Variants in IQSEC1 observed in about 807,000 individuals in gnomAD.
IQSEC1 encodes the protein IQ motif and Sec7 domain ArfGEF 1.
In IQSEC1, 31 loss-of-function variants were observed where a neutral mutation model predicts 91.0. The ratio of observed to expected loss-of-function variants is 0.34; its 90% CI spans 0.26 to 0.46. The LOEUF (loss-of-function observed/expected upper bound fraction) is 0.46, where lower values mean the gene tolerates loss of function less well. IQSEC1 is among the 20% of genes least tolerant of loss of function. The pLI is 1.00. For synonymous variants in IQSEC1, 699 were observed against 662.6 expected (o/e 1.05, Z -0.84); for missense variants, 1,388 against 1,575.6 (o/e 0.88, Z 2.02).
chr3:13,183,167 C>CAATA (rs550999571), intron 1 of IQSEC1, among the ~76,000 whole-genome samples: 8,824 of 143,602 alleles, frequency 0.061, 293 homozygotes, highest in Middle Eastern at 0.073. Flanking sequence ...CTGTCCCCAC[C>CAATA]AATAAATAAA....
At chr3:13,222,985 C>T (rs1200132157) in intron 1 of IQSEC1, among the ~76,000 whole-genome samples, 1 of 152,180 alleles carries the variant, frequency 6.6e-6, no homozygotes, top group Non-Finnish European at 1.5e-5. Context: ...ACCAAGGTGT[C>T]GATCGTGATG....
chr3:12,994,792 C>A lies in IQSEC1; in HGVS notation c.24-52927G>T, dbSNP rs1429218137. ...GACCTGGGCCTGCCGGTGCCGCCCC[C>A]ATCCCTCAGCCGACCTCGATTTAGA... On this transcript the variant is annotated intron_variant, in intron 1 of 13. Coordinates refer to ENST00000613206, the MANE Select transcript of IQSEC1 (RefSeq NM_001134382.3). This position sits in a 1 kb window ranked among gnomAD's most constrained non-coding sequence, Gnocchi z 4.5. Among the ~76,000 whole-genome samples, 1 of 152,284 alleles carries A rather than the reference C, an allele frequency of 6.6e-6. No individual in the cohort carries two copies. The highest frequency in any genetic ancestry group is 1.5e-5 in the Non-Finnish European group (1 of 68,048).
At chr3:13,081,430 G>A (rs1018841728) in intron 2 of IQSEC1, among the ~76,000 whole-genome samples, 3 of 152,022 alleles carry the variant, frequency 2.0e-5, no homozygotes, top group Non-Finnish European at 4.4e-5. Context: ...CACTACATCT[G>A]GCTAATTTTT....
intron 1 of IQSEC1, among the ~76,000 whole-genome samples, chr3:13,004,744 G>A (rs953796357): frequency 1.3e-5 from 2 of 152,232 alleles, no homozygotes; most frequent in East Asian, 3.9e-4. Context: ...GGGGCTGCAG[G>A]GATGGAGGGA....
chr3:13,202,968 G>C (rs1252753899), intron 1 of IQSEC1, among the ~76,000 whole-genome samples: 1 of 152,160 alleles, frequency 6.6e-6, no homozygotes, highest in Non-Finnish European at 1.5e-5. Context: ...GTGTGCTCTG[G>C]TTGTGCCCAT....
At chr3:13,136,079 C>T (rs905779409) in intron 2 of IQSEC1, among the ~76,000 whole-genome samples, 10 of 152,292 alleles carry the variant, frequency 6.6e-5, no homozygotes, top group African/African-American at 1.9e-4. Flanking sequence ...GGGCCGCCTG[C>T]GGGACATGCA....
rs1702136164 is a variant in IQSEC1 at position 12,994,366 on chromosome 3, G to A, written c.24-52501C>T. On this transcript the variant is annotated intron_variant, in intron 1 of 13. Coordinates refer to ENST00000613206, the MANE Select transcript of IQSEC1 (RefSeq NM_001134382.3). This position sits in a 1 kb window ranked among gnomAD's most constrained non-coding sequence, Gnocchi z 4.5. ...GCGTGCGCGGCTGTGCTAGGGGGCG[G>A]GGAGGACGGTGCCGCCCCGGCCGCC... is the stretch of plus-strand genomic sequence containing the variant. 6.6e-6 allele frequency among the ~76,000 whole-genome samples: 1 copy of A among 151,942 alleles called. No homozygotes were observed. Among genetic ancestry groups the A allele is most frequent in the East Asian group, 1.9e-4 (1 of 5,144 alleles).
In IQSEC1 at chr3:12,983,994, A is replaced by C. The variant is rs571608475; in HGVS notation, c.24-42129T>G. 2.6e-5 allele frequency among the ~76,000 whole-genome samples: 4 copies of C among 152,288 alleles called. No individual in the cohort carries two copies. In the South Asian group the frequency reaches 8.3e-4, roughly 32 times the overall value. Reference sequence around the variant, plus strand: ...TCTGGGGGATAGTAACATGGTAAACAGATGGTCTGCACAGAGCTGTCCTGA... The same window carrying C: ...TCTGGGGGATAGTAACATGGTAAACCGATGGTCTGCACAGAGCTGTCCTGA... On this transcript the variant is annotated intron_variant, in intron 1 of 13. Transcript: ENST00000613206. The surrounding 1 kb of genome is among the most constrained non-coding windows in gnomAD (Gnocchi z 4.3).
chr3:13,268,581 T>G lies in IQSEC1; in HGVS notation c.272+14130A>C, dbSNP rs111694807. On this transcript the variant is annotated intron_variant, in intron 1 of 15. Coordinates refer to the IQSEC1 transcript ENST00000648114. Reference sequence around the variant, plus strand: ...TTTATAAGTCATGTGCAGATGAGACTGCACTGATGTCACGAATATCCGTAA... The same window carrying G: ...TTTATAAGTCATGTGCAGATGAGACGGCACTGATGTCACGAATATCCGTAA... Among the ~76,000 whole-genome samples, 1,121 of 152,284 alleles carry G rather than the reference T, an allele frequency of 7.4e-3. 11 individuals are homozygous for G. Among genetic ancestry groups the G allele is most frequent in the African/African-American group, 0.026 (1,065 of 41,556 alleles).
At chr3:13,100,849 C>A (rs1262838390) in intron 2 of IQSEC1, among the ~76,000 whole-genome samples, 1 of 148,916 alleles carries the variant, frequency 6.7e-6, no homozygotes, top group Non-Finnish European at 1.5e-5. Context: ...AACCCATAAA[C>A]AAGTGCATAC....
chr3:13,138,726 T>C (rs1202052459), intron 2 of IQSEC1, among the ~76,000 whole-genome samples: 1 of 152,074 alleles, frequency 6.6e-6, no homozygotes, highest in Admixed American at 6.5e-5. Flanking sequence ...GCCCCGTTTC[T>C]GCTGGGCAGG....
chr3:13,112,233 A>G (rs1706258686), intron 2 of IQSEC1, among the ~76,000 whole-genome samples: 1 of 152,088 alleles, frequency 6.6e-6, no homozygotes, highest in South Asian at 2.1e-4. Flanking sequence ...TTCAACATTC[A>G]CCACGGCAGG....
In IQSEC1 at chr3:12,922,382, C is replaced by T. The variant is rs994064285; in HGVS notation, c.1731-140G>A. On this transcript the variant is annotated intron_variant, in intron 4 of 13. Coordinates refer to ENST00000613206, the MANE Select transcript of IQSEC1 (RefSeq NM_001134382.3). The surrounding 1 kb of genome is among the most constrained non-coding windows in gnomAD (Gnocchi z 5.1). ...GAGCCCCTGCCTGACTCCGACCAAT[C>T]AGCCAAGAGCCCTCAGAATGCAGCA... 7 of 1,051,648 alleles carry T rather than the reference C, an allele frequency of 6.7e-6. No homozygotes were observed. The African/African-American group carries it at 9.8e-5, about 15-fold the overall frequency. 65.1% of individuals were successfully genotyped at this position (1,051,648 alleles called of 1,614,324 possible).
At position 13,268,945 on chromosome 3, in the gene IQSEC1, A is replaced by G. The variant is rs373937355; in HGVS notation, c.272+13766T>C. ...GGCTACAGGAATAAATATAATCAAC[A>G]TAAAGAGAAGACATTTATTCTAACA... On this transcript the variant is annotated intron_variant, in intron 1 of 15. Transcript: ENST00000648114. 1.4e-4 allele frequency among the ~76,000 whole-genome samples: 21 copies of G among 152,336 alleles called. No individual in the cohort carries two copies. In the South Asian group the frequency reaches 4.4e-3, roughly 32 times the overall value.
chr3:13,028,741 G>C (rs1047323301), intron 1 of IQSEC1, among the ~76,000 whole-genome samples: 1 of 152,218 alleles, frequency 6.6e-6, no homozygotes, highest in African/African-American at 2.4e-5. Context: ...ATCAGGGTTT[G>C]TGCTCAGATC....
intron 1 of IQSEC1, among the ~76,000 whole-genome samples, chr3:13,206,911 G>A (rs1424922912): frequency 6.6e-6 from 1 of 152,106 alleles, no homozygotes; most frequent in Non-Finnish European, 1.5e-5. Flanking sequence ...CTGGGTGGGT[G>A]AGTAGGAGGG....
At chr3:13,088,170 T>A (rs62232939) in intron 2 of IQSEC1, among the ~76,000 whole-genome samples, 25,303 of 152,232 alleles carry the variant, frequency 0.17, 2,526 homozygotes, top group Middle Eastern at 0.29. Context: ...ATTAGTTTCA[T>A]GTCTGTCCCG....
At chr3:12,986,868 A>C in intron 1 of IQSEC1, 1 of 275,182 alleles carries the variant, frequency 3.6e-6, no homozygotes, top group South Asian at 2.6e-5. Flanking sequence ...CCCAGATCTC[A>C]GCTGCCCCAA....
At chr3:13,180,184 CT>C (rs2088928647) in intron 1 of IQSEC1, among the ~76,000 whole-genome samples, 1 of 152,228 alleles carries the variant, frequency 6.6e-6, no homozygotes, top group Admixed American at 6.5e-5. Flanking sequence ...GCTCCTGAGT[CT>C]GGTGGGGACT....
Sources: allele counts gnomAD v4.1 joint callset (sites outside exome capture counted in the v4.1 genomes callset), GRCh38; gene constraint gnomAD v4.1.1; non-coding constraint Gnocchi (gnomAD v3.1); transcripts MANE v1.5; gene names NCBI Gene and HGNC (gene_info 2026-07-23, HGNC 2026-07-21).